MBD5: variants seen among roughly 807,000 people sequenced by gnomAD.
The protein encoded by MBD5 is methyl-CpG-binding domain protein 5.
MBD5 carries 13 observed loss-of-function variants against 117.3 expected under a neutral mutation model. The observed-to-expected ratio is 0.11, with a 90% CI of 0.07 to 0.18. MBD5 has a LOEUF of 0.18. MBD5 is among the 10% of genes least tolerant of loss of function. The pLI is 1.00. For synonymous variants in MBD5, 727 were observed against 766.4 expected (o/e 0.95, Z 0.85); for missense variants, 1,879 against 2,093.8 (o/e 0.90, Z 2.00).
intron 4 of MBD5, among the ~76,000 whole-genome samples, chr2:148,395,838 T>A (rs910447695): frequency 6.6e-6 from 1 of 152,148 alleles, no homozygotes; most frequent in Non-Finnish European, 1.5e-5. Flanking sequence ...CACACTCTCA[T>A]GGGCAAGAGC....
chr2:148,239,254 C>G (rs368398691), intron 3 of MBD5, among the ~76,000 whole-genome samples: 1 of 152,058 alleles, frequency 6.6e-6, no homozygotes, highest in East Asian at 1.9e-4. Flanking sequence ...TCTTGGACAT[C>G]GACAGTTCCT....
chr2:148,078,312 A>G (rs1558916321), intron 1 of MBD5, among the ~76,000 whole-genome samples: 1 of 152,034 alleles, frequency 6.6e-6, no homozygotes, highest in Non-Finnish European at 1.5e-5. Context: ...GACTCCAGTA[A>G]CTCTAACCAG....
At chr2:148,216,458 T>C (rs1699557850) in intron 2 of MBD5, among the ~76,000 whole-genome samples, 1 of 152,210 alleles carries the variant, frequency 6.6e-6, no homozygotes, top group African/African-American at 2.4e-5. Context: ...TTTTTTTTTC[T>C]GTAGATTAGG....
At chr2:148,443,846 G>A (rs11888558) in intron 4 of MBD5, among the ~76,000 whole-genome samples, 62,816 of 150,730 alleles carry the variant, frequency 0.42, 13,637 homozygotes, top group Middle Eastern at 0.47. Flanking sequence ...CAACAAGGTG[G>A]CTATTGTCAA....
chr2:148,074,942 G>T (rs910985878), intron 1 of MBD5, among the ~76,000 whole-genome samples: 1 of 152,156 alleles, frequency 6.6e-6, no homozygotes, highest in Non-Finnish European at 1.5e-5. Flanking sequence ...ACCTCCTCTA[G>T]AGAGGACCAC....
intron 1 of MBD5, among the ~76,000 whole-genome samples, chr2:148,087,138 G>A (rs1695816429): frequency 6.6e-6 from 1 of 152,182 alleles, no homozygotes; most frequent in African/African-American, 2.4e-5. Flanking sequence ...CACCACAGGA[G>A]TATACCAGAA....
At chr2:148,185,713 G>C (rs1275636040) in intron 2 of MBD5, among the ~76,000 whole-genome samples, 2 of 152,044 alleles carry the variant, frequency 1.3e-5, no homozygotes, top group Non-Finnish European at 2.9e-5. Flanking sequence ...ACCAGCCTGG[G>C]CAACATAATG....
intron 3 of MBD5, among the ~76,000 whole-genome samples, chr2:148,327,630 G>A (rs370364803): frequency 4.6e-5 from 7 of 151,188 alleles, no homozygotes; most frequent in African/African-American, 9.7e-5. Flanking sequence ...CCAGTTGATC[G>A]CATTGGCTCC....
intron 4 of MBD5, among the ~76,000 whole-genome samples, chr2:148,433,140 TTG>T (rs2105349258): frequency 6.6e-6 from 1 of 152,250 alleles, no homozygotes; most frequent in East Asian, 1.9e-4. Flanking sequence ...GTGAATGGGA[TTG>T]TGTTCCTGAT....
chr2:148,173,423 C>T (rs1036442240), intron 1 of MBD5, among the ~76,000 whole-genome samples: 2 of 152,230 alleles, frequency 1.3e-5, no homozygotes, highest in African/African-American at 4.8e-5. Context: ...TCGGACCCCA[C>T]GCTTGCTCAC....
chr2:148,480,432 T>C (rs1438977913), intron 8 of MBD5, among the ~76,000 whole-genome samples: 3 of 152,130 alleles, frequency 2.0e-5, no homozygotes, highest in Non-Finnish European at 4.4e-5. Flanking sequence ...TGAAAATGTG[T>C]TCTCCCTTTG....
At chr2:148,506,158 T>C (rs769013227) in intron 12 of MBD5, among the ~76,000 whole-genome samples, 6 of 152,218 alleles carry the variant, frequency 3.9e-5, no homozygotes, top group Non-Finnish European at 8.8e-5. Flanking sequence ...GTACAACAAA[T>C]AAATATCTTT....
At chr2:148,371,840 A>G (rs1559043585) in intron 4 of MBD5, among the ~76,000 whole-genome samples, 1 of 152,158 alleles carries the variant, frequency 6.6e-6, no homozygotes, top group Non-Finnish European at 1.5e-5. Context: ...CATGTAGTGA[A>G]CTTCCTATAA....
chr2:148,129,356 G>A (rs887991407), intron 1 of MBD5, among the ~76,000 whole-genome samples: 3 of 152,064 alleles, frequency 2.0e-5, no homozygotes, highest in South Asian at 4.1e-4. Context: ...TTAGCCAGGC[G>A]TGGCGATGTG....
intron 3 of MBD5, among the ~76,000 whole-genome samples, chr2:148,274,725 GTT>G (rs34560513): frequency 4.9e-5 from 7 of 143,916 alleles, no homozygotes; most frequent in Non-Finnish European, 7.5e-5. Context: ...GAGTTTTTTT[GTT>G]TTTTTTTTTT....
At chr2:148,127,319 G>T (rs1696926097) in intron 1 of MBD5, among the ~76,000 whole-genome samples, 2 of 152,102 alleles carry the variant, frequency 1.3e-5, no homozygotes, top group African/African-American at 4.8e-5. Flanking sequence ...GTGGTTTGCT[G>T]GACAGATGAT....
At chr2:148,085,931 A>T (rs1473555599) in intron 1 of MBD5, among the ~76,000 whole-genome samples, 1 of 152,204 alleles carries the variant, frequency 6.6e-6, no homozygotes, top group East Asian at 1.9e-4. Flanking sequence ...ATGTATACGT[A>T]GTTCACACAG....
chr2:148,102,685 AGAGAGAGAGAGAGAT>A (rs1400822026), intron 1 of MBD5, among the ~76,000 whole-genome samples: 2,627 of 148,132 alleles, frequency 0.018, 81 homozygotes, highest in African/African-American at 0.062. Flanking sequence ...ACACACACAC[AGAGAGAGAGAGAGAT>A]CACACACACA....
chr2:148,052,206 G>GTTTTTTTTTTTTTTTT (rs70992189), intron 1 of MBD5, among the ~76,000 whole-genome samples: 4 of 83,766 alleles, frequency 4.8e-5, no homozygotes, highest in East Asian at 4.3e-4. Flanking sequence ...CTGTTATTGA[G>GTTTTTTTTTTTTTTTT]TTTTTTTTTT....
Sources: gnomAD v4.1 joint callset for allele counts (sites outside exome capture counted in the v4.1 genomes callset) on GRCh38, gnomAD v4.1.1 for gene constraint, MANE v1.5 for transcripts, NCBI Gene and HGNC (gene_info 2026-07-23, HGNC 2026-07-21) for gene names.